The following KLHL29 variants were observed in gnomAD, a reference collection of about 807,000 sequenced individuals.
KLHL29 encodes the protein kelch like family member 29.
A neutral mutation model predicts 80.4 loss-of-function variants in KLHL29; 21 were observed. That is an observed-to-expected ratio of 0.26 (90% CI 0.19 to 0.38). The LOEUF (loss-of-function observed/expected upper bound fraction) is 0.38. Among genes scored for constraint, KLHL29 ranks in the 10% least tolerant of loss-of-function variants. KLHL29 has a pLI of 1.00. For synonymous variants in KLHL29, 511 were observed against 526.8 expected (o/e 0.97, Z 0.41); for missense variants, 867 against 1,223.9 (o/e 0.71, Z 4.35).
At chr2:23,636,135 T>G (rs921390484) in intron 3 of KLHL29, among the ~76,000 whole-genome samples, 5 of 152,170 alleles carry the variant, frequency 3.3e-5, no homozygotes, top group African/African-American at 1.2e-4. Flanking sequence ...ACTGAGGGCC[T>G]GGAACTCGTC....
chr2:23,441,501 T>C (rs1663521762), intron 1 of KLHL29, among the ~76,000 whole-genome samples: 1 of 139,714 alleles, frequency 7.2e-6, no homozygotes, highest in African/African-American at 2.7e-5. Context: ...TAATAATTAA[T>C]AATAAAAGAA....
chr2:23,459,871 T>C (rs1031664035), intron 1 of KLHL29, among the ~76,000 whole-genome samples: 2 of 152,160 alleles, frequency 1.3e-5, no homozygotes, highest in Non-Finnish European at 2.9e-5. Flanking sequence ...AAGAGAACTT[T>C]GGATAGAGTG....
chr2:23,421,037 C>T (rs1196483066), intron 1 of KLHL29, among the ~76,000 whole-genome samples: 1 of 152,192 alleles, frequency 6.6e-6, no homozygotes. Flanking sequence ...CAGCAACCTT[C>T]TGGGAAGTAG....
chr2:23,468,665 G>A (rs903458172), intron 1 of KLHL29, among the ~76,000 whole-genome samples: 4 of 152,128 alleles, frequency 2.6e-5, no homozygotes, highest in Non-Finnish European at 4.4e-5. Flanking sequence ...CCAGCCCCCC[G>A]ACACCTATAG....
intron 5 of KLHL29, among the ~76,000 whole-genome samples, chr2:23,661,813 T>C (rs1300270694): frequency 6.6e-6 from 1 of 152,212 alleles, no homozygotes; most frequent in Non-Finnish European, 1.5e-5. Flanking sequence ...CCCAAATGCA[T>C]GCTCGAGAAC....
chr2:23,577,994 G>A (rs529930791), intron 3 of KLHL29, among the ~76,000 whole-genome samples: 76 of 152,284 alleles, frequency 5.0e-4, no homozygotes, highest in African/African-American at 1.8e-3. Flanking sequence ...GACCATGGCC[G>A]ACCTCGTGGG....
chr2:23,468,993 G>C, intron 1 of KLHL29, among the ~76,000 whole-genome samples: 1 of 152,232 alleles, frequency 6.6e-6, no homozygotes, highest in Non-Finnish European at 1.5e-5. Flanking sequence ...AAAACCGGCC[G>C]GGAGCCAAGT....
intron 1 of KLHL29, among the ~76,000 whole-genome samples, chr2:23,389,505 T>A (rs928177294): frequency 2.1e-5 from 3 of 145,862 alleles, no homozygotes; most frequent in Non-Finnish European, 4.7e-5. Flanking sequence ...AGAAACATCA[T>A]GAATAAGAAA....
At chr2:23,668,109 C>T (rs978416330) in intron 5 of KLHL29, 1 of 152,534 alleles carries the variant, frequency 6.6e-6, no homozygotes, top group Non-Finnish European at 1.5e-5. Flanking sequence ...GCTGGCCCAA[C>T]TGTAGCATCC....
intron 2 of KLHL29, among the ~76,000 whole-genome samples, chr2:23,532,033 A>G (rs534054989): frequency 1.3e-5 from 2 of 152,176 alleles, no homozygotes; most frequent in Non-Finnish European, 2.9e-5. Context: ...GCCCTTGACC[A>G]TGGAAGCTGC....
chr2:23,689,134 A>C (rs1442906430), intron 6 of KLHL29: 1 of 152,304 alleles, frequency 6.6e-6, no homozygotes, highest in Admixed American at 6.5e-5. Flanking sequence ...CTTTGAACTC[A>C]GATTCTGAAA....
rs796853093 is a variant in KLHL29 at position 23,528,790 on chromosome 2, G to A, written c.-45-33362G>A. ...ACTTTTTTAAAGAAATCCTAGGGGC[G>A]CACACATCCCCAGACCGCCTTTCTT... On this transcript the variant is annotated intron_variant, in intron 2 of 13. Transcript: ENST00000486442. Among the ~76,000 whole-genome samples, 17 of 152,332 alleles carry A rather than the reference G, an allele frequency of 1.1e-4. 1 individual carries two copies. The highest frequency in any genetic ancestry group is 2.9e-4 in the African/African-American group (12 of 41,570).
intron 1 of KLHL29, among the ~76,000 whole-genome samples, chr2:23,433,327 A>G (rs950384635): frequency 1.3e-5 from 2 of 152,226 alleles, no homozygotes; most frequent in Non-Finnish European, 1.5e-5. Flanking sequence ...CTGCTAGGGC[A>G]TTCCCCGGAT....
chr2:23,413,182 A>G (rs1306718398), intron 1 of KLHL29, among the ~76,000 whole-genome samples: 1 of 152,172 alleles, frequency 6.6e-6, no homozygotes, highest in African/African-American at 2.4e-5. Flanking sequence ...GGTGTTTTCT[A>G]CTAAAAGGAT....
intron 2 of KLHL29, among the ~76,000 whole-genome samples, chr2:23,484,474 C>A (rs1296734242): frequency 1.3e-5 from 2 of 152,210 alleles, no homozygotes; most frequent in Non-Finnish European, 2.9e-5. Context: ...CAGGAGGCAA[C>A]AATTAACCCG....
intron 5 of KLHL29, chr2:23,667,122 G>A (rs577507632): frequency 2.3e-4 from 35 of 152,326 alleles, no homozygotes; most frequent in African/African-American, 8.4e-4. Flanking sequence ...CACTCTGCCC[G>A]GGGTTCTCAC....
At chr2:23,645,576 C>T (rs1234142750) in intron 5 of KLHL29, among the ~76,000 whole-genome samples, 1 of 152,184 alleles carries the variant, frequency 6.6e-6, no homozygotes, top group African/African-American at 2.4e-5. Context: ...CCGATATTCC[C>T]TGCTATTGTT....
At chr2:23,515,189 G>C (rs1272586911) in intron 2 of KLHL29, among the ~76,000 whole-genome samples, 1 of 152,186 alleles carries the variant, frequency 6.6e-6, no homozygotes, top group African/African-American at 2.4e-5. Context: ...CCCAAGGGAG[G>C]GTCCTTATTC....
chr2:23,677,534 G>A (rs553680457), intron 5 of KLHL29, among the ~76,000 whole-genome samples: 2 of 152,350 alleles, frequency 1.3e-5, no homozygotes, highest in African/African-American at 2.4e-5. Context: ...GGTGCCGCCC[G>A]CAGGTGGTTT....
Sources: gnomAD v4.1 joint callset for allele counts (sites outside exome capture counted in the v4.1 genomes callset) on GRCh38, gnomAD v4.1.1 for gene constraint, MANE v1.5 for transcripts, NCBI Gene and HGNC (gene_info 2026-07-23, HGNC 2026-07-21) for gene names.